Variants in C13orf42 observed in about 807,000 individuals in gnomAD.
C13orf42 encodes the protein chromosome 13 open reading frame 42, also known as uncharacterized protein C13orf42.
intron 1 of C13orf42, among the ~76,000 whole-genome samples, chr13:51,165,058 C>A (rs577774577): frequency 6.6e-6 from 1 of 152,196 alleles, no homozygotes; most frequent in Non-Finnish European, 1.5e-5. Flanking sequence ...CTCCCTTTGC[C>A]TCCCTGTTGC....
chr13:51,154,466 C>T (rs147307686), intron 1 of C13orf42, among the ~76,000 whole-genome samples: 9 of 152,104 alleles, frequency 5.9e-5, no homozygotes, highest in African/African-American at 1.7e-4. Flanking sequence ...AGTTAGGGTG[C>T]GTATGAATCA....
In C13orf42 at chr13:51,089,628, G is replaced by A. The variant is rs144261780; in HGVS notation, c.415-1553C>T. On this transcript the variant is annotated intron_variant, in intron 1 of 3. Coordinates refer to ENST00000563710, the MANE Select transcript of C13orf42 (RefSeq NM_001351589.3). ...GAGGCCTCCCCAGCCATGTGGAACT[G>A]TGAGTCAATTAAACCTCTTTTATTT... Among the ~76,000 whole-genome samples the A allele has an allele frequency of 1.0e-3, 153 of 152,034 alleles. No individual in the cohort carries two copies. The Middle Eastern group carries it at 0.017, about 17-fold the overall frequency.
At chr13:51,162,227 A>G (rs879009324) in intron 1 of C13orf42, 1 of 196,600 alleles carries the variant, frequency 5.1e-6, no homozygotes, top group African/African-American at 2.3e-5. Context: ...TTTATCCTGT[A>G]CCACTAAGTG....
chr13:51,111,262 T>C lies in C13orf42; in HGVS notation c.-53A>G. ...TTCCAGCTGCCTGTGCTGCCGCCAC[T>C]TGATCTAGATGCGGGGAGAGAAGCC... On this transcript the variant is annotated 5_prime_UTR_variant, in exon 1 of 4. Transcript: ENST00000563710. 2.5e-6 allele frequency: 1 copy of C among 398,452 alleles called. No individual in the cohort carries two copies. Among genetic ancestry groups the C allele is most frequent in the Non-Finnish European group, 4.4e-6 (1 of 226,140 alleles). The allele number at this position is 398,452 out of a possible 1,614,324, so 24.7% of individuals were successfully genotyped here.
intron 1 of C13orf42, among the ~76,000 whole-genome samples, chr13:51,110,570 A>C (rs1953416383): frequency 6.6e-6 from 1 of 152,228 alleles, no homozygotes; most frequent in African/African-American, 2.4e-5. Flanking sequence ...TGTACCCCTG[A>C]ACCTAAAATA....
upstream of C13orf42, among the ~76,000 whole-genome samples, chr13:51,114,665 GAC>G (rs1953471899): frequency 3.7e-5 from 4 of 106,896 alleles, no homozygotes; most frequent in Non-Finnish European, 8.0e-5. Context: ...CAGACAGACA[GAC>G]AGACAGACAG....
In C13orf42 at chr13:51,085,388, A is replaced by G. The variant is rs1284563896; in HGVS notation, c.734T>C (p.Ile245Thr). The G allele has an allele frequency of 5.0e-6, 2 of 398,298 alleles. No individual in the cohort carries two copies. The highest frequency in any genetic ancestry group is 4.1e-5 in the African/African-American group (2 of 48,554). 24.7% of individuals were successfully genotyped at this position (398,298 alleles called of 1,614,324 possible). ...GTQRRLERHP[I>T]YLPKAVEGAF... ...CCCTTCCACAGCCTTGGGCAAATAA[A>G]TGGGGTGCCTCTCGAGTCTCCTCTG... The change falls in exon 3 of 4, where the codon ATT becomes ACT. Residue 245 changes from isoleucine (I) to threonine (T), a missense_variant. By Grantham distance (89) the Ile-to-Thr change is moderately conservative (BLOSUM62 -1). Transcript: ENST00000563710.
chr13:51,118,790 C>T (rs75619600), intron 1 of C13orf42, among the ~76,000 whole-genome samples: 12,418 of 152,178 alleles, frequency 0.082, 704 homozygotes, highest in Non-Finnish European at 0.11. Context: ...GCCTAGGGTG[C>T]TAGTGACACA....
chr13:51,087,439 CCAT>C (rs1390433994), intron 2 of C13orf42, among the ~76,000 whole-genome samples: 1 of 152,082 alleles, frequency 6.6e-6, no homozygotes, highest in East Asian at 1.9e-4. Flanking sequence ...ATAAAATTTA[CCAT>C]CATCACCATT....
intron 1 of C13orf42, among the ~76,000 whole-genome samples, chr13:51,141,095 G>GGTGTGTGTGTGTGTGTGTGTGTGTGT (rs3043870): frequency 8.6e-5 from 11 of 128,546 alleles, no homozygotes; most frequent in Admixed American, 1.6e-4. Context: ...ATCGAAGGGA[G>GGTGTGTGTGTGTGTGTGTGTGTGTGT]GTGTGTGTGT....
chr13:51,165,348 A>G (rs1043997519), intron 1 of C13orf42, among the ~76,000 whole-genome samples: 7 of 152,122 alleles, frequency 4.6e-5, no homozygotes, highest in Non-Finnish European at 8.8e-5. Flanking sequence ...ATACTGCATT[A>G]TCTATTGTTA....
intron 1 of C13orf42, among the ~76,000 whole-genome samples, chr13:51,124,168 C>G (rs761482375): frequency 4.6e-5 from 7 of 152,208 alleles, no homozygotes; most frequent in Non-Finnish European, 1.0e-4. Context: ...CAGGAACTGA[C>G]TCAGTATAAG....
At chr13:51,160,922 T>C (rs1009210161) in intron 1 of C13orf42, among the ~76,000 whole-genome samples, 1 of 124,576 alleles carries the variant, frequency 8.0e-6, no homozygotes, top group Non-Finnish European at 1.7e-5. Context: ...CCTGCCAGCA[T>C]AGTAAGAAAA....
upstream of C13orf42, among the ~76,000 whole-genome samples, chr13:51,113,596 G>GTGTGTT (rs1953456824): frequency 2.0e-5 from 3 of 151,628 alleles, no homozygotes; most frequent in South Asian, 6.2e-4. Context: ...GTGTGTGTAC[G>GTGTGTT]TGTGTTTGTG....
intron 1 of C13orf42, among the ~76,000 whole-genome samples, chr13:51,129,059 A>G (rs1953596083): frequency 6.6e-6 from 1 of 152,160 alleles, no homozygotes; most frequent in African/African-American, 2.4e-5. Context: ...AGCTTTAATC[A>G]TGCCTAGAAC....
At chr13:51,104,670 A>C (rs548065439) in intron 1 of C13orf42, among the ~76,000 whole-genome samples, 1 of 152,092 alleles carries the variant, frequency 6.6e-6, no homozygotes, top group Non-Finnish European at 1.5e-5. Flanking sequence ...ATGTTTCCAA[A>C]TTAGATGGTG....
intron 1 of C13orf42, among the ~76,000 whole-genome samples, chr13:51,095,577 G>A (rs1953225340): frequency 6.6e-6 from 1 of 151,106 alleles, no homozygotes; most frequent in South Asian, 2.1e-4. Context: ...GTTAGTTTTG[G>A]TCATCTCTTT....
intron 1 of C13orf42, among the ~76,000 whole-genome samples, chr13:51,126,774 T>A (rs112277938): frequency 9.8e-5 from 15 of 152,320 alleles, no homozygotes; most frequent in African/African-American, 3.6e-4. Context: ...GGTTGCCAGT[T>A]CTTTTTGATG....
chr13:51,119,823 C>T (rs1364504596), intron 1 of C13orf42, among the ~76,000 whole-genome samples: 4 of 151,992 alleles, frequency 2.6e-5, no homozygotes, highest in South Asian at 2.1e-4. Context: ...GTTCTGGAGG[C>T]GGATGGTGGT....
Sources: allele counts gnomAD v4.1 joint callset (sites outside exome capture counted in the v4.1 genomes callset), GRCh38; gene constraint gnomAD v4.1.1; transcripts MANE v1.5; gene names NCBI Gene and HGNC (gene_info 2026-07-23, HGNC 2026-07-21).